Variants in BACH2 observed in about 807,000 individuals in gnomAD.
The protein encoded by BACH2 is BACH transcriptional regulator 2, also known as transcription regulator protein BACH2.
A neutral mutation model predicts 61.8 loss-of-function variants in BACH2; 5 were observed. The ratio of observed to expected loss-of-function variants is 0.08; its 90% CI spans 0.04 to 0.17. The LOEUF is 0.17. Ranked by LOEUF, BACH2 falls within the 10% of genes least tolerant of loss-of-function variation. The probability of loss-of-function intolerance (pLI) is 1.00; values close to 1 mark genes in which losing one functional copy is unlikely to be tolerated. For synonymous variants in BACH2, 446 were observed against 440.1 expected (o/e 1.01, Z -0.17); for missense variants, 824 against 1,091.1 (o/e 0.76, Z 3.45).
intron 4 of BACH2, among the ~76,000 whole-genome samples, chr6:90,199,295 G>T (rs1040748853): frequency 4.6e-5 from 7 of 152,280 alleles, no homozygotes; most frequent in Non-Finnish European, 1.0e-4. Flanking sequence ...GAAGAGATGG[G>T]ACTGACGTAG....
At chr6:90,102,070 G>T (rs1782652104) in intron 4 of BACH2, among the ~76,000 whole-genome samples, 1 of 151,942 alleles carries the variant, frequency 6.6e-6, no homozygotes, top group African/African-American at 2.4e-5. Flanking sequence ...CTAATGAATT[G>T]CAGTCAAGTA....
chr6:90,019,092 T>G (rs1268450910), intron 5 of BACH2, among the ~76,000 whole-genome samples: 1 of 152,214 alleles, frequency 6.6e-6, no homozygotes, highest in Admixed American at 6.5e-5. Context: ...GTCTCCTCAA[T>G]TAGTCTATAG....
chr6:90,045,594 A>G (rs1243775105), intron 5 of BACH2, among the ~76,000 whole-genome samples: 2 of 152,208 alleles, frequency 1.3e-5, no homozygotes, highest in African/African-American at 2.4e-5. Context: ...GTTGCATTGA[A>G]TTTGGGGTAG....
chr6:90,200,370 T>G (rs559124954), intron 4 of BACH2, among the ~76,000 whole-genome samples: 39 of 152,246 alleles, frequency 2.6e-4, no homozygotes, highest in African/African-American at 8.9e-4. Context: ...AGTAAGAGGA[T>G]GTACTGTTAA....
intron 5 of BACH2, among the ~76,000 whole-genome samples, chr6:90,023,759 CTCTT>C (rs1322945980): frequency 1.3e-5 from 2 of 152,200 alleles, no homozygotes; most frequent in Non-Finnish European, 1.5e-5. Context: ...CCCTCTTACT[CTCTT>C]TCTGCCATGT....
At chr6:90,159,075 A>G (rs1191831376) in intron 4 of BACH2, among the ~76,000 whole-genome samples, 3 of 152,222 alleles carry the variant, frequency 2.0e-5, no homozygotes, top group African/African-American at 4.8e-5. Flanking sequence ...AATGGGCTCT[A>G]TCTTCTAAAG....
intron 4 of BACH2, among the ~76,000 whole-genome samples, chr6:90,123,769 C>CAAA (rs796903431): frequency 0.023 from 714 of 31,664 alleles, 40 homozygotes; most frequent in African/African-American, 0.042. Context: ...GACTCCGTCT[C>CAAA]AAAAAAAAAA....
chr6:89,985,889 G>A (rs553645488), intron 6 of BACH2, among the ~76,000 whole-genome samples: 2 of 152,322 alleles, frequency 1.3e-5, no homozygotes, highest in South Asian at 2.1e-4. Flanking sequence ...CATTTTTCAG[G>A]ACTCAGTCAT....
At chr6:90,253,675 A>G (rs1770884565) in intron 2 of BACH2, among the ~76,000 whole-genome samples, 1 of 152,206 alleles carries the variant, frequency 6.6e-6, no homozygotes, top group African/African-American at 2.4e-5. Context: ...TAGTGAATGA[A>G]AGGGTAACTC....
intron 6 of BACH2, among the ~76,000 whole-genome samples, chr6:89,955,002 C>T (rs1774348221): frequency 1.3e-5 from 2 of 152,228 alleles, no homozygotes; most frequent in East Asian, 3.9e-4. Context: ...CAAGATTTTG[C>T]TCAGCTTCTG....
chr6:89,955,343 T>C (rs191882141), intron 6 of BACH2, among the ~76,000 whole-genome samples: 2 of 152,288 alleles, frequency 1.3e-5, no homozygotes, highest in Admixed American at 6.5e-5. Flanking sequence ...TAAGTAACAA[T>C]GTAAGCAAGT....
intron 3 of BACH2, among the ~76,000 whole-genome samples, chr6:90,225,936 C>T (rs766465797): frequency 6.6e-6 from 1 of 152,094 alleles, no homozygotes; most frequent in Admixed American, 6.5e-5. Context: ...GTTCTCCAAG[C>T]GGGGTCCTAA....
chr6:90,045,835 C>T (rs555620735), intron 5 of BACH2, among the ~76,000 whole-genome samples: 4 of 152,114 alleles, frequency 2.6e-5, no homozygotes, highest in Admixed American at 6.5e-5. Flanking sequence ...GTTTTGTCTG[C>T]CACTTATTTT....
chr6:90,228,068 C>A (rs1235818998), intron 3 of BACH2, among the ~76,000 whole-genome samples: 4 of 152,188 alleles, frequency 2.6e-5, no homozygotes, highest in African/African-American at 4.8e-5. Context: ...AGACTTACTG[C>A]AAAAATGATT....
chr6:90,050,505 A>G (rs1562400728), intron 5 of BACH2, among the ~76,000 whole-genome samples: 1 of 152,218 alleles, frequency 6.6e-6, no homozygotes, highest in Non-Finnish European at 1.5e-5. Context: ...AAGATTGAAC[A>G]CTAAAAGAGA....
intron 6 of BACH2, among the ~76,000 whole-genome samples, chr6:89,996,222 T>C (rs1312897705): frequency 6.6e-6 from 1 of 152,174 alleles, no homozygotes; most frequent in Non-Finnish European, 1.5e-5. Context: ...CCCAATTTCT[T>C]GGTATCTCTG....
At chr6:89,963,380 A>C (rs1443335069) in intron 6 of BACH2, among the ~76,000 whole-genome samples, 2 of 152,146 alleles carry the variant, frequency 1.3e-5, no homozygotes, top group African/African-American at 4.8e-5. Context: ...TGCAGGCTCA[A>C]CTTCCCAGGC....
chr6:90,065,299 T>TTTTTTTTTTTTTTTTTG (rs1491173989), intron 5 of BACH2, among the ~76,000 whole-genome samples: 1 of 92,064 alleles, frequency 1.1e-5, no homozygotes, highest in Admixed American at 1.1e-4. Flanking sequence ...TTTTTTTTTT[T>TTTTTTTTTTTTTTTTTG]ACCCCTGAGG....
At chr6:90,184,285 G>A (rs910626377) in intron 4 of BACH2, among the ~76,000 whole-genome samples, 1 of 152,018 alleles carries the variant, frequency 6.6e-6, no homozygotes, top group Non-Finnish European at 1.5e-5. Context: ...CTTTATCTAG[G>A]GTCCTCCTTC....
Sources: allele counts gnomAD v4.1 joint callset (sites outside exome capture counted in the v4.1 genomes callset), GRCh38; gene constraint gnomAD v4.1.1; transcripts MANE v1.5; gene names NCBI Gene and HGNC (gene_info 2026-07-23, HGNC 2026-07-21).